The following SEMA3A variants were observed in gnomAD, a reference collection of about 807,000 sequenced individuals.
SEMA3A encodes the protein semaphorin 3A, also known as semaphorin-3A.
In SEMA3A, 29 loss-of-function variants were observed where a neutral mutation model predicts 97.9. The observed-to-expected ratio is 0.30, with a 90% confidence interval of 0.22 to 0.40. SEMA3A has a LOEUF of 0.40. Among genes scored for constraint, SEMA3A ranks in the 10% least tolerant of loss-of-function variants. The pLI, the probability that SEMA3A is intolerant of heterozygous loss-of-function variation, is 1.00. For missense variants in SEMA3A, 763 were observed against 951.3 expected, an observed-to-expected ratio of 0.80 and a Z score of 2.60; for synonymous variants, 321 against 323.7, an observed-to-expected ratio of 0.99 and a Z score of 0.09.
intron 2 of SEMA3A, among the ~76,000 whole-genome samples, chr7:84,342,632 T>C (rs1002443263): frequency 6.6e-5 from 10 of 152,228 alleles, no homozygotes; most frequent in African/African-American, 1.7e-4. Context: ...CTTGCTTCAA[T>C]TGTAAATTTT....
chr7:84,376,955 T>C (rs1006690384), intron 1 of SEMA3A, among the ~76,000 whole-genome samples: 19 of 152,204 alleles, frequency 1.2e-4, no homozygotes, highest in African/African-American at 4.6e-4. Flanking sequence ...GGAAATACTT[T>C]CATTTATTCT....
intron 3 of SEMA3A, among the ~76,000 whole-genome samples, chr7:84,211,273 T>A (rs1253589855): frequency 6.6e-6 from 1 of 152,034 alleles, no homozygotes; most frequent in Non-Finnish European, 1.5e-5. Flanking sequence ...ATGCTAGCCT[T>A]GGTGAAAGGT....
chr7:84,403,472 G>T (rs1333218420), intron 1 of SEMA3A, among the ~76,000 whole-genome samples: 2 of 152,190 alleles, frequency 1.3e-5, no homozygotes, highest in Non-Finnish European at 2.9e-5. Context: ...TCTGGGGGCA[G>T]GGCACAGACG....
intron 3 of SEMA3A, among the ~76,000 whole-genome samples, chr7:84,112,231 G>T (rs1042221277): frequency 6.6e-6 from 1 of 152,080 alleles, no homozygotes; most frequent in Non-Finnish European, 1.5e-5. Flanking sequence ...TCTGATTGTG[G>T]GCTCAATATT....
rs376839819 is a variant in SEMA3A, at chr7:84,428,369, A to T, written c.-245-56469T>A. ...TCCTTAAAGATAGTAAAAAACAAGTATATTTTATATCGCTAATAAAGTAAT... is the reference window on the plus strand; with the variant it reads ...TCCTTAAAGATAGTAAAAAACAAGTTTATTTTATATCGCTAATAAAGTAAT... On this transcript the variant is annotated intron_variant, in intron 1 of 3. Transcript: ENST00000424555. 7.2e-5 allele frequency among the ~76,000 whole-genome samples: 11 copies of T among 152,194 alleles called. 2 individuals carry two copies. Among genetic ancestry groups the T allele is most frequent in the Admixed American group, 6.6e-5 (1 of 15,260 alleles).
chr7:84,406,381 A>G (rs1261273672), intron 1 of SEMA3A, among the ~76,000 whole-genome samples: 1 of 152,164 alleles, frequency 6.6e-6, no homozygotes, highest in Non-Finnish European at 1.5e-5. Flanking sequence ...GACCAATAAC[A>G]GGCTCTGAAA....
chr7:84,302,905 C>A (rs1016452428), intron 3 of SEMA3A, among the ~76,000 whole-genome samples: 3 of 152,066 alleles, frequency 2.0e-5, no homozygotes, highest in African/African-American at 7.2e-5. Flanking sequence ...TTTCTAAGTT[C>A]CTTCTGGCTC....
At position 84,214,187 on chromosome 7, in the gene SEMA3A, T is replaced by TA. The variant is rs1029157381; in HGVS notation, c.-82-19520dup. On this transcript the variant is annotated intron_variant, in intron 3 of 3. Transcript: ENST00000424555. ...CTCACAACAGTATGCTGCAATATAT[T>TA]AAAAAAAATTATCCCCATATTACCA... Among the ~76,000 whole-genome samples the TA allele has an allele frequency of 1.2e-3, 182 of 152,158 alleles. 3 individuals carry two copies. The highest frequency in any genetic ancestry group is 4.0e-4 in the Non-Finnish European group (27 of 67,992).
intron 14 of SEMA3A, among the ~76,000 whole-genome samples, chr7:83,978,492 A>T (rs1252554843): frequency 6.6e-6 from 1 of 152,260 alleles, no homozygotes; most frequent in Admixed American, 6.5e-5. Flanking sequence ...ACTGGAAAAG[A>T]TTGGGGGACA....
Position 84,446,235 on chromosome 7 carries a change from C to A in SEMA3A, c.-246+46225G>T, listed in dbSNP as rs376738642. ...AACATCTCTTGATAAAGAAAAGCAT[C>A]AGCTCTGATATCTTCACCAATGAAT... On this transcript the variant is annotated intron_variant, in intron 1 of 3. Transcript: ENST00000424555. Among the ~76,000 whole-genome samples the A allele has an allele frequency of 6.6e-5, 10 of 152,278 alleles. 2 individuals are homozygous for A. The highest frequency in any genetic ancestry group is 6.5e-5 in the Admixed American group (1 of 15,298).
chr7:84,188,664 T>C (rs771310294), intron 1 of SEMA3A, among the ~76,000 whole-genome samples: 5 of 151,962 alleles, frequency 3.3e-5, no homozygotes, highest in African/African-American at 4.8e-5. Flanking sequence ...TACAGGCACA[T>C]GAATCTCTGC....
intron 3 of SEMA3A, among the ~76,000 whole-genome samples, chr7:84,278,862 C>T (rs1800373042): frequency 6.6e-6 from 1 of 152,076 alleles, no homozygotes; most frequent in East Asian, 1.9e-4. Flanking sequence ...TACATTTCAA[C>T]ATGAGATTTG....
chr7:83,982,659 T>C, intron 13 of SEMA3A, among the ~76,000 whole-genome samples: 1 of 152,182 alleles, frequency 6.6e-6, no homozygotes, highest in Middle Eastern at 3.4e-3. Flanking sequence ...AGTATATAAA[T>C]AAAAAATGAG....
At chr7:84,033,796 C>A (rs1281632398) in intron 6 of SEMA3A, among the ~76,000 whole-genome samples, 2 of 151,882 alleles carry the variant, frequency 1.3e-5, no homozygotes, top group Non-Finnish European at 2.9e-5. Flanking sequence ...CTGGGTGGGC[C>A]CTGAGAGTCC....
intron 3 of SEMA3A, among the ~76,000 whole-genome samples, chr7:84,213,682 C>A (rs1798683256): frequency 6.6e-6 from 1 of 152,124 alleles, no homozygotes; most frequent in Admixed American, 6.5e-5. Context: ...AAATCTTTCT[C>A]TATTTGAGTT....
At position 84,018,526 on chromosome 7, in the gene SEMA3A, A is replaced by C. The variant is rs571460182; in HGVS notation, c.668-4175T>G. 1.4e-4 allele frequency among the ~76,000 whole-genome samples: 21 copies of C among 152,326 alleles called. No individual in the cohort carries two copies. The South Asian group carries it at 1.5e-3, about 11-fold the overall frequency. The stretch of plus-strand genomic sequence containing the variant: ...TGTTAAACTTCACAGAAAGAACAAA[A>C]ATAAGAGCTTAGAAAAAAATGCCAT... On this transcript the variant is annotated intron_variant, in intron 6 of 16. Coordinates refer to ENST00000265362, the MANE Select transcript of SEMA3A (RefSeq NM_006080.3).
intron 1 of SEMA3A, among the ~76,000 whole-genome samples, chr7:84,397,316 T>G (rs1225118413): frequency 6.6e-6 from 1 of 151,198 alleles, no homozygotes; most frequent in African/African-American, 2.4e-5. Context: ...TTACTTAAAA[T>G]TATCTTTTGG....
At chr7:84,274,982 C>A (rs1308071976) in intron 3 of SEMA3A, among the ~76,000 whole-genome samples, 1 of 151,956 alleles carries the variant, frequency 6.6e-6, no homozygotes, top group Non-Finnish European at 1.5e-5. Context: ...GGGTGTTAAT[C>A]CACATTTCCA....
At position 84,026,001 on chromosome 7, in the gene SEMA3A, C is replaced by A. The variant is rs530072524; in HGVS notation, c.668-11650G>T. ...TTACTATTTTAATATACTTTTTAAT[C>A]ATTAATCAAGAGAATAGTGGGAAAG... On this transcript the variant is annotated intron_variant, in intron 6 of 16. Coordinates refer to ENST00000265362, the MANE Select transcript of SEMA3A (RefSeq NM_006080.3). Among the ~76,000 whole-genome samples the A allele has an allele frequency of 3.3e-5, 5 of 152,274 alleles. No homozygotes were observed. In the South Asian group the frequency reaches 1.0e-3, roughly 32 times the overall value.
Sources: gnomAD v4.1 joint callset for allele counts (sites outside exome capture counted in the v4.1 genomes callset) on GRCh38, gnomAD v4.1.1 for gene constraint, MANE v1.5 for transcripts, NCBI Gene and HGNC (gene_info 2026-07-23, HGNC 2026-07-21) for gene names.